The following SH3RF3 variants were observed in gnomAD, a reference collection of about 807,000 sequenced individuals.
SH3RF3 encodes E3 ubiquitin-protein ligase SH3RF3.
SH3RF3 carries 29 observed loss-of-function variants against 66.3 expected under a neutral mutation model. The observed-to-expected ratio is 0.44, with a 90% CI of 0.33 to 0.60. SH3RF3 has a LOEUF of 0.60. SH3RF3 is among the 20% of genes least tolerant of loss of function. SH3RF3 has a pLI of 0.04. For synonymous variants in SH3RF3, 583 were observed against 532.0 expected (o/e 1.10, Z -1.32); for missense variants, 1,194 against 1,190.9 (o/e 1.00, Z -0.04).
intron 1 of SH3RF3, among the ~76,000 whole-genome samples, chr2:109,266,767 G>A (rs945066314): frequency 6.6e-6 from 1 of 152,120 alleles, no homozygotes; most frequent in African/African-American, 2.4e-5. Context: ...ACAAGAGACA[G>A]GGGTGAGCGT....
At position 109,211,895 on chromosome 2, in the gene SH3RF3, G is replaced by T. The variant is rs531644751; in HGVS notation, c.573+81782G>T. 3.9e-5 allele frequency among the ~76,000 whole-genome samples: 6 copies of T among 152,178 alleles called. No homozygotes were observed. In the South Asian group the frequency reaches 1.2e-3, roughly 32 times the overall value. ...GGACCACAGGTGATCCGCCCTCCTCGGCCTCCCAAAGTGCTGGGATTACAG... is the reference window on the plus strand; with the variant it reads ...GGACCACAGGTGATCCGCCCTCCTCTGCCTCCCAAAGTGCTGGGATTACAG... On this transcript the variant is annotated intron_variant, in intron 1 of 9. Coordinates refer to ENST00000309415, the MANE Select transcript of SH3RF3 (RefSeq NM_001099289.3).
chr2:109,475,231 C>A (rs1041392038), intron 8 of SH3RF3, among the ~76,000 whole-genome samples: 5 of 152,212 alleles, frequency 3.3e-5, no homozygotes, highest in African/African-American at 1.2e-4. Context: ...CCCGCCTCGG[C>A]CTCCCAAAGT....
At chr2:109,433,696 C>G (rs115654283) in intron 6 of SH3RF3, among the ~76,000 whole-genome samples, 3,173 of 152,336 alleles carry the variant, frequency 0.021, 44 homozygotes, top group Middle Eastern at 0.058. Context: ...CTCTAGTTCG[C>G]AAGGCAATCT....
At chr2:109,371,705 A>T in intron 3 of SH3RF3, 24 bp downstream of exon 3, 8 of 1,605,244 alleles carry the variant, frequency 5.0e-6, no homozygotes, top group Non-Finnish European at 6.8e-6. Flanking sequence ...GCCCTCCCAC[A>T]CTTGGCTCCT....
chr2:109,329,674 G>A (rs182927170), intron 1 of SH3RF3, among the ~76,000 whole-genome samples: 118 of 151,678 alleles, frequency 7.8e-4, no homozygotes, highest in African/African-American at 2.8e-3. Context: ...CTGCAAGAGG[G>A]CAGTGCTCAG....
chr2:109,287,668 C>T (rs917468318), intron 1 of SH3RF3, among the ~76,000 whole-genome samples: 1 of 152,194 alleles, frequency 6.6e-6, no homozygotes, highest in African/African-American at 2.4e-5. Flanking sequence ...TGTTCCCCTT[C>T]TGGGCCCTCC....
chr2:109,213,427 G>A (rs1422909393), intron 1 of SH3RF3, among the ~76,000 whole-genome samples: 26 of 152,234 alleles, frequency 1.7e-4, no homozygotes. Context: ...GGAAGAAAGT[G>A]TTCCCAGAAG....
chr2:109,497,702 A>G (rs560551999), intron 9 of SH3RF3, among the ~76,000 whole-genome samples: 3 of 152,248 alleles, frequency 2.0e-5, no homozygotes, highest in Non-Finnish European at 4.4e-5. Flanking sequence ...TGATCTGGAC[A>G]GAAACGTTAA....
intron 1 of SH3RF3, among the ~76,000 whole-genome samples, chr2:109,316,641 C>A (rs1681890087): frequency 6.6e-6 from 1 of 152,206 alleles, no homozygotes. Flanking sequence ...CCATGTGCAG[C>A]CTTTCCATCA....
intron 1 of SH3RF3, among the ~76,000 whole-genome samples, chr2:109,256,746 G>A (rs949413561): frequency 3.3e-5 from 5 of 152,130 alleles, no homozygotes; most frequent in African/African-American, 9.7e-5. Context: ...GGAATACATC[G>A]AGCTATTGAT....
chr2:109,341,779 G>A (rs1682557828), intron 1 of SH3RF3, among the ~76,000 whole-genome samples: 1 of 152,180 alleles, frequency 6.6e-6, no homozygotes, highest in African/African-American at 2.4e-5. Context: ...CATAAAACAT[G>A]CTCCAGAATG....
chr2:109,342,476 T>C (rs576012711), intron 1 of SH3RF3, among the ~76,000 whole-genome samples: 2 of 152,298 alleles, frequency 1.3e-5, no homozygotes, highest in East Asian at 3.9e-4. Context: ...GGGCCCTCCA[T>C]TGAAAGCAGG....
At chr2:109,488,898 A>C (rs547086047) in intron 8 of SH3RF3, among the ~76,000 whole-genome samples, 49 of 152,358 alleles carry the variant, frequency 3.2e-4, no homozygotes, top group Non-Finnish European at 6.6e-4. Context: ...CTGCAAGCCC[A>C]GTAGCGGAGT....
chr2:109,399,628 A>C (rs974364192), intron 4 of SH3RF3, among the ~76,000 whole-genome samples: 1 of 152,208 alleles, frequency 6.6e-6, no homozygotes, highest in Admixed American at 6.5e-5. Context: ...GTCAATCAAT[A>C]AAATAAAATA....
intron 1 of SH3RF3, among the ~76,000 whole-genome samples, chr2:109,171,533 G>A (rs140563898): frequency 1.3e-4 from 20 of 152,326 alleles, no homozygotes; most frequent in African/African-American, 3.8e-4. Flanking sequence ...CTGTGGCTTC[G>A]CCCGCGGCGG....
At position 109,425,262 on chromosome 2, in the gene SH3RF3, A is replaced by G. The variant is rs537353125; in HGVS notation, c.1403+5620A>G. 3.9e-5 allele frequency among the ~76,000 whole-genome samples: 6 copies of G among 152,404 alleles called. No individual in the cohort carries two copies. In the South Asian group the frequency reaches 1.0e-3, roughly 26 times the overall value. On this transcript the variant is annotated intron_variant, in intron 5 of 9. Transcript: ENST00000309415. ...TTCGTGAGGTTTAAAGAAAGAAGCCATCTCTGCAACATAAAAGTACAAGGT... is the reference window on the plus strand; with the variant it reads ...TTCGTGAGGTTTAAAGAAAGAAGCCGTCTCTGCAACATAAAAGTACAAGGT...
intron 2 of SH3RF3, among the ~76,000 whole-genome samples, chr2:109,371,363 C>T (rs1683267222): frequency 6.6e-6 from 1 of 152,220 alleles, no homozygotes; most frequent in Non-Finnish European, 1.5e-5. Context: ...GCACTCCAGC[C>T]TGGGTGGCAG....
chr2:109,459,446 A>T (rs942665149), intron 8 of SH3RF3, among the ~76,000 whole-genome samples: 3 of 152,042 alleles, frequency 2.0e-5, no homozygotes, highest in Non-Finnish European at 2.9e-5. Flanking sequence ...TCCTGAAGGG[A>T]CTGGGCCATT....
chr2:109,201,840 G>T (rs1678682847), intron 1 of SH3RF3, among the ~76,000 whole-genome samples: 1 of 152,200 alleles, frequency 6.6e-6, no homozygotes, highest in Admixed American at 6.5e-5. Flanking sequence ...GGGGCATAGT[G>T]CCCTCCCTCC....
Sources: gnomAD v4.1 joint callset for allele counts (sites outside exome capture counted in the v4.1 genomes callset) on GRCh38, gnomAD v4.1.1 for gene constraint, MANE v1.5 for transcripts, NCBI Gene and HGNC (gene_info 2026-07-23, HGNC 2026-07-21) for gene names.